The following SLIT3 variants were observed in gnomAD, a reference collection of about 807,000 sequenced individuals.
The protein encoded by SLIT3 is slit guidance ligand 3, also known as slit homolog 3 protein.
A neutral mutation model predicts 184.0 loss-of-function variants in SLIT3; 68 were observed. That is an observed-to-expected ratio of 0.37 (90% CI 0.30 to 0.45). SLIT3 has a LOEUF of 0.45. Ranked by LOEUF, SLIT3 falls within the 20% of genes least tolerant of loss-of-function variation. The pLI, the probability that SLIT3 is intolerant of heterozygous loss-of-function variation, is 1.00. For synonymous variants in SLIT3, 831 were observed against 828.6 expected (o/e 1.00, Z -0.05); for missense variants, 1,707 against 2,026.0 (o/e 0.84, Z 3.02).
intron 6 of SLIT3, among the ~76,000 whole-genome samples, chr5:168,840,156 G>T (rs1758194126): frequency 6.6e-6 from 1 of 152,170 alleles, no homozygotes; most frequent in African/African-American, 2.4e-5. Context: ...TGGACCTGTT[G>T]GGATCTCCAT....
rs1307362620 is a variant in SLIT3 at position 169,300,641 on chromosome 5, C to T, written c.69G>A (p.Ala23=). 4 of 1,480,602 alleles carry T rather than the reference C, an allele frequency of 2.7e-6. No individual in the cohort carries two copies. Among genetic ancestry groups the T allele is most frequent in the Admixed American group, 2.3e-5 (1 of 43,462 alleles). 91.7% of individuals were successfully genotyped at this position (1,480,602 alleles called of 1,614,324 possible). Residue 23 remains alanine, a synonymous_variant, in exon 1 of 36, where the codon GCG becomes GCA. Transcript: ENST00000519560. The surrounding 1 kb of genome is among the most constrained non-coding windows in gnomAD (Gnocchi z 4.1). ...RARLALALAL[A]SVLSGPPAVA... is the part of the protein sequence containing the mutation. ...CGGCTGGAGGCCCACTCAGGACGCT[C>T]GCCAGCGCCAAGGCCAGCGCCAGGC...
intron 14 of SLIT3, among the ~76,000 whole-genome samples, chr5:168,767,253 G>A (rs1038110146): frequency 1.3e-5 from 2 of 152,142 alleles, no homozygotes; most frequent in African/African-American, 2.4e-5. Context: ...CATGATGGGG[G>A]CCCAGGGCTC....
At chr5:168,824,174 A>G (rs1757627479) in intron 6 of SLIT3, among the ~76,000 whole-genome samples, 1 of 152,290 alleles carries the variant, frequency 6.6e-6, no homozygotes, top group Non-Finnish European at 1.5e-5. Context: ...TTGACCTCAC[A>G]TGATCCACCC....
intron 32 of SLIT3, among the ~76,000 whole-genome samples, chr5:168,677,602 C>A (rs1049417217): frequency 6.6e-6 from 1 of 152,212 alleles, no homozygotes; most frequent in Non-Finnish European, 1.5e-5. Context: ...GCACCCACCA[C>A]CATCCCCGGC....
rs545744316 is a variant in SLIT3, at chr5:169,168,400, T to C, written c.413+25079A>G. ...AGCTCTCTGGGGCTGCTGCACAATCTGGCTTTAAGTTCTCCCCTGCCTTGA... is the reference window on the plus strand; with the variant it reads ...AGCTCTCTGGGGCTGCTGCACAATCCGGCTTTAAGTTCTCCCCTGCCTTGA... On this transcript the variant is annotated intron_variant, in intron 4 of 35. Transcript: ENST00000519560. Among the ~76,000 whole-genome samples, 21 of 152,340 alleles carry C rather than the reference T, an allele frequency of 1.4e-4. 2 individuals carry two copies. The South Asian group carries it at 4.4e-3, about 32-fold the overall frequency.
intron 4 of SLIT3, among the ~76,000 whole-genome samples, chr5:168,987,801 G>A (rs944717396): frequency 2.7e-4 from 41 of 152,212 alleles, no homozygotes; most frequent in African/African-American, 8.9e-4. Flanking sequence ...TTTCCAGAAC[G>A]GGAAAGAACG....
At chr5:168,906,344 T>C (rs1290551823) in intron 4 of SLIT3, among the ~76,000 whole-genome samples, 1 of 152,266 alleles carries the variant, frequency 6.6e-6, no homozygotes, top group East Asian at 1.9e-4. Context: ...TTGGGAGCTA[T>C]TCTCAAATGA....
intron 4 of SLIT3, among the ~76,000 whole-genome samples, chr5:168,987,495 T>G (rs1382455158): frequency 6.6e-6 from 1 of 152,250 alleles, no homozygotes; most frequent in Admixed American, 6.5e-5. Flanking sequence ...GAGTGTCAGT[T>G]TCCTCATCTG....
intron 6 of SLIT3, among the ~76,000 whole-genome samples, chr5:168,831,518 A>G (rs549834168): frequency 6.6e-6 from 1 of 152,340 alleles, no homozygotes; most frequent in African/African-American, 2.4e-5. Flanking sequence ...CAACTGTTAG[A>G]AAACATAATG....
chr5:169,104,226 C>T (rs979308743), intron 4 of SLIT3, among the ~76,000 whole-genome samples: 3 of 152,120 alleles, frequency 2.0e-5, no homozygotes, highest in Non-Finnish European at 4.4e-5. Flanking sequence ...GAAGCCGCGC[C>T]GGGAAGCAGC....
At chr5:169,153,456 A>G (rs1007817291) in intron 4 of SLIT3, among the ~76,000 whole-genome samples, 3 of 152,246 alleles carry the variant, frequency 2.0e-5, no homozygotes, top group African/African-American at 7.2e-5. Flanking sequence ...AAACTGTGGC[A>G]GTGGACTGTA....
chr5:169,238,011 C>A (rs901523831), intron 3 of SLIT3, among the ~76,000 whole-genome samples: 2 of 152,136 alleles, frequency 1.3e-5, no homozygotes, highest in African/African-American at 4.8e-5. Flanking sequence ...TGTCAAAAAT[C>A]AGTTAACTGT....
At chr5:169,165,102 C>T (rs1177578271) in intron 4 of SLIT3, among the ~76,000 whole-genome samples, 2 of 152,250 alleles carry the variant, frequency 1.3e-5, no homozygotes, top group Admixed American at 1.3e-4. Flanking sequence ...ATAGTAGGTG[C>T]TCAGGAAATG....
chr5:168,917,025 A>C (rs145284804), intron 4 of SLIT3, among the ~76,000 whole-genome samples: 5 of 152,326 alleles, frequency 3.3e-5, no homozygotes, highest in Admixed American at 2.0e-4. Flanking sequence ...CAACATGACT[A>C]ATATGTTCAG....
At chr5:168,884,581 T>TATA (rs1760116903) in intron 4 of SLIT3, among the ~76,000 whole-genome samples, 1 of 131,598 alleles carries the variant, frequency 7.6e-6, no homozygotes, top group Admixed American at 7.7e-5. Flanking sequence ...TATATATATA[T>TATA]GAAATTCCAC....
At chr5:168,773,016 G>T in intron 13 of SLIT3, 72 bp from the exon 14 acceptor site, 1 of 1,459,290 alleles carries the variant, frequency 6.9e-7, no homozygotes. Context: ...ACCCTGCCTC[G>T]CGCTGGGCCC....
rs372878651 is a variant in SLIT3 at position 168,943,924 on chromosome 5, T to C, written c.414-60588A>G. On this transcript the variant is annotated intron_variant, in intron 4 of 35. Coordinates refer to ENST00000519560, the MANE Select transcript of SLIT3 (RefSeq NM_003062.4). Reference sequence around the variant, plus strand: ...GACAGTTGCTTTAAGTCACAAACTCTATCTGAACAAAACTCCTTGGCGAAT... The same window carrying C: ...GACAGTTGCTTTAAGTCACAAACTCCATCTGAACAAAACTCCTTGGCGAAT... Among the ~76,000 whole-genome samples the C allele has an allele frequency of 1.4e-4, 21 of 152,312 alleles. 1 individual carries two copies. The East Asian group carries it at 2.5e-3, about 18-fold the overall frequency.
intron 4 of SLIT3, among the ~76,000 whole-genome samples, chr5:169,167,204 A>C (rs923048516): frequency 2.0e-5 from 3 of 151,610 alleles, no homozygotes; most frequent in South Asian, 2.1e-4. Context: ...CAAAACAAAA[A>C]AAACCGATGA....
At chr5:168,977,587 C>T (rs945735954) in intron 4 of SLIT3, among the ~76,000 whole-genome samples, 6 of 152,078 alleles carry the variant, frequency 3.9e-5, no homozygotes, top group Non-Finnish European at 7.4e-5. Context: ...CACAAAAGAC[C>T]GAGGGTAAGT....
Sources: allele counts gnomAD v4.1 joint callset (sites outside exome capture counted in the v4.1 genomes callset), GRCh38; gene constraint gnomAD v4.1.1; non-coding constraint Gnocchi (gnomAD v3.1); transcripts MANE v1.5; gene names NCBI Gene and HGNC (gene_info 2026-07-23, HGNC 2026-07-21).